The following CRACR2A variants were observed in gnomAD, a reference collection of about 807,000 sequenced individuals.
The protein encoded by CRACR2A is EF-hand calcium-binding domain-containing protein 4B.
In CRACR2A, 79 loss-of-function variants were observed where a neutral mutation model predicts 90.5. The observed-to-expected ratio is 0.87, with a 90% CI of 0.73 to 1.05. CRACR2A has a LOEUF of 1.05. Ranked by LOEUF, CRACR2A falls within the 50% of genes least tolerant of loss-of-function variation. The pLI, the probability that CRACR2A is intolerant of heterozygous loss-of-function variation, is 0.00. For missense variants in CRACR2A, 823 were observed against 897.2 expected (o/e 0.92, Z 1.06); for synonymous variants, 338 against 356.7 (o/e 0.95, Z 0.59).
At chr12:3,679,822 T>C (rs1195628871) in intron 5 of CRACR2A, among the ~76,000 whole-genome samples, 1 of 152,226 alleles carries the variant, frequency 6.6e-6, no homozygotes, top group Non-Finnish European at 1.5e-5. Context: ...CTGTTATCCC[T>C]CAACCTGGAA....
chr12:3,623,741 C>T (rs965523958), intron 17 of CRACR2A, among the ~76,000 whole-genome samples: 5 of 152,302 alleles, frequency 3.3e-5, no homozygotes, highest in African/African-American at 9.6e-5. Context: ...ATCTGCTGGG[C>T]CTCTTCTGCA....
intron 2 of CRACR2A, among the ~76,000 whole-genome samples, chr12:3,713,615 T>TG (rs1306883230): frequency 1.8e-4 from 28 of 152,306 alleles, no homozygotes; most frequent in African/African-American, 6.5e-4. Context: ...AATTGGACAC[T>TG]GCCCCCCTGC....
chr12:3,640,868 A>G, intron 13 of CRACR2A: 1 of 1,276,074 alleles, frequency 7.8e-7, no homozygotes, highest in Middle Eastern at 2.4e-4. Flanking sequence ...TTGGGTACTC[A>G]AGCTCAATCA....
Position 3,638,116 on chromosome 12 carries a change from G to A in CRACR2A, c.1602+8C>T, listed in dbSNP as rs760446541. The A allele has an allele frequency of 6.5e-6, 10 of 1,537,554 alleles. No homozygotes were observed. Among genetic ancestry groups the A allele is most frequent in the East Asian group, 2.5e-5 (1 of 40,620 alleles). On this transcript the variant is annotated splice_region_variant and intron_variant, in intron 14 of 19. Coordinates refer to ENST00000440314, the MANE Select transcript of CRACR2A (RefSeq NM_001144958.2). The stretch of plus-strand genomic sequence containing the variant: ...ATGTGCATGAACCAAGGTAGGCTGT[G>A]CCCTTACCTTACACAGGGCTTCTTT...
At chr12:3,705,544 A>T (rs1342559258) in intron 3 of CRACR2A, among the ~76,000 whole-genome samples, 2 of 152,234 alleles carry the variant, frequency 1.3e-5, no homozygotes, top group African/African-American at 4.8e-5. Context: ...AAGGCCAAAA[A>T]GCATCTCCAG....
chr12:3,676,287 C>A (rs1565485390), intron 6 of CRACR2A, among the ~76,000 whole-genome samples: 1 of 152,194 alleles, frequency 6.6e-6, no homozygotes, highest in South Asian at 2.1e-4. Context: ...ACAACACACA[C>A]ACAGCATGTT....
chr12:3,623,001 G>A (rs1169145318), intron 17 of CRACR2A, among the ~76,000 whole-genome samples: 1 of 152,220 alleles, frequency 6.6e-6, no homozygotes, highest in African/African-American at 2.4e-5. Flanking sequence ...GCCCAGGAAG[G>A]GAGAGGGAAG....
At chr12:3,741,417 G>C (rs1946523511) in intron 1 of CRACR2A, among the ~76,000 whole-genome samples, 1 of 152,218 alleles carries the variant, frequency 6.6e-6, no homozygotes, top group African/African-American at 2.4e-5. Context: ...AAGAAGCAAA[G>C]GTTAATTTCA....
At chr12:3,690,697 C>A (rs1469559645) in intron 4 of CRACR2A, among the ~76,000 whole-genome samples, 1 of 152,106 alleles carries the variant, frequency 6.6e-6, no homozygotes, top group East Asian at 1.9e-4. Context: ...TTGCTGGGTT[C>A]AGGTCCTGAA....
rs1454955618 is a variant in CRACR2A at position 3,680,156 on chromosome 12, G to A, written c.340+82C>T. 2.6e-6 allele frequency: 3 copies of A among 1,152,462 alleles called. No individual in the cohort carries two copies. In the African/African-American group the frequency reaches 4.6e-5, roughly 18 times the overall value. 71.4% of individuals were successfully genotyped at this position (1,152,462 alleles called of 1,614,324 possible). ...GAAAGCTTTACTACCTGCCCCCCAGGTCTACAAGGGACAGGAATGCACCTT... is the reference window on the plus strand; with the variant it reads ...GAAAGCTTTACTACCTGCCCCCCAGATCTACAAGGGACAGGAATGCACCTT... On this transcript the variant is annotated intron_variant, in intron 5 of 19. Coordinates refer to ENST00000440314, the MANE Select transcript of CRACR2A (RefSeq NM_001144958.2).
chr12:3,696,717 G>T, intron 4 of CRACR2A, 55 bp downstream of exon 4: 2 of 1,610,474 alleles, frequency 1.2e-6, no homozygotes. Flanking sequence ...TCTAACCCAA[G>T]ACAGGAAGAC....
Position 3,627,482 on chromosome 12 carries a change from T to A in CRACR2A, c.1886A>T (p.Asp629Val). Reference sequence around the variant, plus strand: ...CCGGACCGACAGGAACGACTGCTTGTCTGTGAGATCGTACATGACGATGAC... The same window carrying A: ...CCGGACCGACAGGAACGACTGCTTGACTGTGAGATCGTACATGACGATGAC... The part of the protein sequence containing the change: ...DGVIVMYDLT[D>V]KQSFLSVRRW... The change falls in exon 17 of 20, where the codon GAC becomes GTC. Residue 629 changes from aspartate (D) to valine (V), a missense_variant. Coordinates refer to ENST00000440314, the MANE Select transcript of CRACR2A (RefSeq NM_001144958.2). The A allele has an allele frequency of 1.3e-6, 2 of 1,551,984 alleles. No homozygotes were observed. The highest frequency in any genetic ancestry group is 1.7e-6 in the Non-Finnish European group (2 of 1,147,064).
intron 6 of CRACR2A, 22 bp from the exon 7 acceptor site, chr12:3,673,614 T>C (rs371317887): frequency 1.2e-6 from 2 of 1,608,618 alleles, no homozygotes; most frequent in Middle Eastern, 2.0e-4. Flanking sequence ...GGGACGCTCA[T>C]GTGGAAGTGT....
intron 11 of CRACR2A, among the ~76,000 whole-genome samples, chr12:3,647,570 G>A (rs1944712047): frequency 6.6e-6 from 1 of 152,052 alleles, no homozygotes; most frequent in Admixed American, 6.6e-5. Context: ...TCGCGCAAAT[G>A]GATTATAGCC....
intron 10 of CRACR2A, among the ~76,000 whole-genome samples, chr12:3,649,143 A>G (rs1360569343): frequency 6.6e-6 from 1 of 152,162 alleles, no homozygotes; most frequent in Non-Finnish European, 1.5e-5. Flanking sequence ...TGACGAGTTA[A>G]TGGGTGCAGC....
At chr12:3,639,457 A>AACAC (rs9300301) in intron 13 of CRACR2A, among the ~76,000 whole-genome samples, 18 of 139,556 alleles carry the variant, frequency 1.3e-4, no homozygotes, top group Non-Finnish European at 2.5e-4. Flanking sequence ...CCAGAATTGA[A>AACAC]ACACACACAC....
intron 1 of CRACR2A, among the ~76,000 whole-genome samples, chr12:3,741,527 G>A (rs1276286882): frequency 6.6e-6 from 1 of 152,178 alleles, no homozygotes; most frequent in Non-Finnish European, 1.5e-5. Flanking sequence ...TATTTTCACT[G>A]TTTAATTCCA....
chr12:3,684,480 T>A (rs1429235516), intron 4 of CRACR2A, among the ~76,000 whole-genome samples: 1 of 152,168 alleles, frequency 6.6e-6, no homozygotes, highest in African/African-American at 2.4e-5. Context: ...TCCTGTGTAT[T>A]ACAGGATATG....
intron 5 of CRACR2A, among the ~76,000 whole-genome samples, chr12:3,679,806 T>C (rs1347078713): frequency 6.6e-6 from 1 of 152,234 alleles, no homozygotes; most frequent in Non-Finnish European, 1.5e-5. Flanking sequence ...GAAATTCCTC[T>C]GATAGCTGTT....
Sources: gnomAD v4.1 joint callset for allele counts (sites outside exome capture counted in the v4.1 genomes callset) on GRCh38, gnomAD v4.1.1 for gene constraint, MANE v1.5 for transcripts, NCBI Gene and HGNC (gene_info 2026-07-23, HGNC 2026-07-21) for gene names.